Variants in SLC25A13 observed in about 807,000 individuals in gnomAD.
The protein encoded by SLC25A13 is electrogenic aspartate/glutamate antiporter SLC25A13, mitochondrial.
A neutral mutation model predicts 85.5 loss-of-function variants in SLC25A13; 70 were observed. The observed-to-expected ratio is 0.82, with a 90% CI of 0.68 to 1.00. The LOEUF (loss-of-function observed/expected upper bound fraction) is 1.00. Ranked by LOEUF, SLC25A13 falls within the 50% of genes least tolerant of loss-of-function variation. The probability of loss-of-function intolerance (pLI) is 0.00; values close to 1 mark genes in which losing one functional copy is unlikely to be tolerated. For synonymous variants in SLC25A13, 259 were observed against 288.7 expected (o/e 0.90, Z 1.04); for missense variants, 765 against 819.8 (o/e 0.93, Z 0.82).
rs1391380780 is a variant in SLC25A13 at position 96,120,759 on chromosome 7, T to C, written c.*432A>G. 4.4e-6 allele frequency: 2 copies of C among 454,648 alleles called. No homozygotes were observed. Among genetic ancestry groups the C allele is most frequent in the African/African-American group, 4.0e-5 (2 of 49,922 alleles). The allele number at this position is 454,648 out of a possible 1,614,324, so 28.2% of individuals were successfully genotyped here. On this transcript the variant is annotated 3_prime_UTR_variant, in exon 18 of 18. Transcript: ENST00000265631. ...ATATATTTTTTCATTTCTCCCAGTG[T>C]TTTTTATTTTTATAAATATGCACCT...
chr7:96,278,007 G>C (rs867050607), intron 2 of SLC25A13, among the ~76,000 whole-genome samples: 5 of 152,090 alleles, frequency 3.3e-5, no homozygotes, highest in Non-Finnish European at 5.9e-5. Context: ...TCCATTCTAA[G>C]GCATTACCAT....
intron 3 of SLC25A13, among the ~76,000 whole-genome samples, chr7:96,243,704 G>A (rs528564883): frequency 3.3e-5 from 5 of 152,072 alleles, no homozygotes; most frequent in Non-Finnish European, 7.4e-5. Context: ...GAAAAGCAGC[G>A]GCCAGGAAAA....
intron 1 of SLC25A13, among the ~76,000 whole-genome samples, chr7:96,305,462 T>C (rs1799709879): frequency 6.6e-6 from 1 of 152,236 alleles, no homozygotes; most frequent in African/African-American, 2.4e-5. Flanking sequence ...TCAGTCTCAA[T>C]TTTTGTAAGC....
chr7:96,230,220 CAGACCAAAAG>C (rs1796489994), intron 4 of SLC25A13, among the ~76,000 whole-genome samples: 1 of 152,106 alleles, frequency 6.6e-6, no homozygotes, highest in Non-Finnish European at 1.5e-5. Context: ...CAAAGGAAGC[CAGACCAAAAG>C]AGTACATTCT....
chr7:96,188,131 T>C (rs1378654032), intron 9 of SLC25A13, among the ~76,000 whole-genome samples: 1 of 152,202 alleles, frequency 6.6e-6, no homozygotes, highest in Non-Finnish European at 1.5e-5. Flanking sequence ...GCTGGTGGCA[T>C]ACAGACGAAG....
chr7:96,138,404 T>C (rs1009299356), intron 14 of SLC25A13, among the ~76,000 whole-genome samples: 11 of 151,726 alleles, frequency 7.2e-5, no homozygotes, highest in Middle Eastern at 6.8e-3. Flanking sequence ...TTTTCTTTTT[T>C]TTTTTTTTTG....
At chr7:96,208,380 A>G (rs1250182093) in intron 5 of SLC25A13, among the ~76,000 whole-genome samples, 1 of 152,204 alleles carries the variant, frequency 6.6e-6, no homozygotes, top group East Asian at 1.9e-4. Context: ...CAGTTTTGCC[A>G]GGCTAAACTG....
intron 4 of SLC25A13, among the ~76,000 whole-genome samples, chr7:96,222,172 C>T (rs1313207756): frequency 2.0e-5 from 3 of 152,142 alleles, no homozygotes; most frequent in Non-Finnish European, 2.9e-5. Context: ...AAACAAGAAA[C>T]GCTTCTCTAT....
chr7:96,203,483 T>C (rs1306338733), intron 5 of SLC25A13, among the ~76,000 whole-genome samples: 2 of 152,182 alleles, frequency 1.3e-5, no homozygotes, highest in African/African-American at 4.8e-5. Context: ...AGAAAACTTC[T>C]TTAGGCTTCT....
chr7:96,120,501 G>A lies in SLC25A13; in HGVS notation c.*690C>T, dbSNP rs1460879243. 2 of 454,328 alleles carry A rather than the reference G, an allele frequency of 4.4e-6. No individual in the cohort carries two copies. The highest frequency in any genetic ancestry group is 8.8e-6 in the Non-Finnish European group (2 of 226,766). The allele number at this position is 454,328 out of a possible 1,614,324, so 28.1% of individuals were successfully genotyped here. A position where few individuals can be genotyped will look rare whatever the true frequency, so the allele number is the denominator to read the frequency against. On this transcript the variant is annotated 3_prime_UTR_variant, in exon 18 of 18. Coordinates refer to ENST00000265631, the MANE Select transcript of SLC25A13 (RefSeq NM_014251.3). ...TTTTTCAAAATTAGCACTTCCAGGAGAGGGGCTACATCTCAGTTTTTTCTG... is the reference window on the plus strand; with the variant it reads ...TTTTTCAAAATTAGCACTTCCAGGAAAGGGGCTACATCTCAGTTTTTTCTG...
At chr7:96,132,043 G>C (rs1562782822) in intron 14 of SLC25A13, among the ~76,000 whole-genome samples, 162 bp from the exon 15 acceptor site, 1 of 152,226 alleles carries the variant, frequency 6.6e-6, no homozygotes, top group Non-Finnish European at 1.5e-5. Context: ...AATTCTGCAA[G>C]TAATAAATCT....
At chr7:96,127,211 T>C (rs1179630086) in intron 15 of SLC25A13, among the ~76,000 whole-genome samples, 1 of 152,228 alleles carries the variant, frequency 6.6e-6, no homozygotes, top group Non-Finnish European at 1.5e-5. Flanking sequence ...ACAAGGTGTA[T>C]TGAAATGCCC....
intron 9 of SLC25A13, among the ~76,000 whole-genome samples, chr7:96,185,774 C>A (rs927606604): frequency 7.1e-4 from 108 of 151,522 alleles, no homozygotes; most frequent in Admixed American, 6.9e-3. Context: ...GTGGCAGGCG[C>A]CTGTAGTCCC....
intron 1 of SLC25A13, among the ~76,000 whole-genome samples, chr7:96,316,745 T>C (rs113431283): frequency 7.9e-5 from 12 of 152,242 alleles, no homozygotes; most frequent in Non-Finnish European, 1.5e-4. Flanking sequence ...GTACCTGGCA[T>C]GCAAAAAGCA....
chr7:96,283,733 C>A, intron 2 of SLC25A13: 1 of 242,092 alleles, frequency 4.1e-6, no homozygotes, highest in East Asian at 1.4e-4. Context: ...CTGCTCCACG[C>A]AGAGAAGCAC....
chr7:96,232,531 C>A (rs1796581907), intron 4 of SLC25A13, among the ~76,000 whole-genome samples: 1 of 148,864 alleles, frequency 6.7e-6, no homozygotes, highest in African/African-American at 2.5e-5. Context: ...ATTTGTACAA[C>A]AAACCCCTGT....
At position 96,277,265 on chromosome 7, in the gene SLC25A13, A is replaced by C. The variant is rs368174754; in HGVS notation, c.143T>G (p.Phe48Cys). 1.2e-4 allele frequency: 200 copies of C among 1,612,312 alleles called. No homozygotes were observed. Among genetic ancestry groups the C allele is most frequent in the Non-Finnish European group, 1.6e-4 (193 of 1,179,214 alleles). Residue 48 changes from phenylalanine (F) to cysteine (C), a missense_variant, in exon 3 of 18, where the codon TTT becomes TGT. Physicochemically the swap from Phe to Cys is radical, Grantham distance 205. Coordinates refer to ENST00000265631, the MANE Select transcript of SLC25A13 (RefSeq NM_014251.3). Reference sequence around the variant, plus strand: ...CTTTGGATTAGGCTGGCTTTCTCCAAAAATGTTCAAGTATCGAGTGACAAA... The same window carrying C: ...CTTTGGATTAGGCTGGCTTTCTCCACAAATGTTCAAGTATCGAGTGACAAA... ...NDFVTRYLNIFGESQPNPKTV... is the reference protein window; with the variant it reads ...NDFVTRYLNICGESQPNPKTV...
chr7:96,164,692 T>C (rs2116554723), intron 13 of SLC25A13, among the ~76,000 whole-genome samples: 1 of 130,312 alleles, frequency 7.7e-6, no homozygotes, highest in East Asian at 2.5e-4. Context: ...ATGGCTATGA[T>C]TTTCAAAAGG....
intron 3 of SLC25A13, among the ~76,000 whole-genome samples, chr7:96,245,753 G>A (rs1021794008): frequency 9.2e-5 from 14 of 152,120 alleles, no homozygotes; most frequent in South Asian, 4.1e-4. Flanking sequence ...TTTAAATTAC[G>A]TATTGCCTTC....
Sources: gnomAD v4.1 joint callset for allele counts (sites outside exome capture counted in the v4.1 genomes callset) on GRCh38, gnomAD v4.1.1 for gene constraint, MANE v1.5 for transcripts, NCBI Gene and HGNC (gene_info 2026-07-23, HGNC 2026-07-21) for gene names.